The following ZNF609 variants were observed in gnomAD, a reference collection of about 807,000 sequenced individuals.
ZNF609 encodes zinc finger protein 609.
In ZNF609, 11 loss-of-function variants were observed where a neutral mutation model predicts 109.5. The ratio of observed to expected loss-of-function variants is 0.10; its 90% CI spans 0.06 to 0.17. The LOEUF (loss-of-function observed/expected upper bound fraction) is 0.17, where lower values mean the gene tolerates loss of function less well. Ranked by LOEUF, ZNF609 falls within the 10% of genes least tolerant of loss-of-function variation. ZNF609 has a pLI of 1.00. For missense variants in ZNF609, 1,559 were observed against 1,772.4 expected, an observed-to-expected ratio of 0.88 and a Z score of 2.16; for synonymous variants, 646 against 662.0, an observed-to-expected ratio of 0.98 and a Z score of 0.37.
At chr15:64,555,032 G>A (rs1409970696) in intron 2 of ZNF609, among the ~76,000 whole-genome samples, 1 of 150,876 alleles carries the variant, frequency 6.6e-6, no homozygotes, top group Non-Finnish European at 1.5e-5. Flanking sequence ...GGAGGCGGAG[G>A]TTACGGTGAG....
chr15:64,578,429 T>G (rs1214217029), intron 2 of ZNF609, among the ~76,000 whole-genome samples: 1 of 152,090 alleles, frequency 6.6e-6, no homozygotes. Context: ...GCACAGTTGC[T>G]CACGACTGTA....
intron 2 of ZNF609, among the ~76,000 whole-genome samples, chr15:64,575,154 C>T (rs977679785): frequency 2.0e-5 from 3 of 152,208 alleles, no homozygotes; most frequent in South Asian, 4.1e-4. Context: ...AACCAAATCC[C>T]GGGGTTTCTG....
chr15:64,633,106 T>G (rs1043450686), intron 3 of ZNF609, among the ~76,000 whole-genome samples: 9 of 150,768 alleles, frequency 6.0e-5, no homozygotes, highest in East Asian at 5.8e-4. Flanking sequence ...ATTGTTTTGT[T>G]TTTTTTTTTC....
intron 2 of ZNF609, among the ~76,000 whole-genome samples, chr15:64,519,782 AG>A (rs1403758050): frequency 6.6e-6 from 1 of 152,176 alleles, no homozygotes; most frequent in Non-Finnish European, 1.5e-5. Flanking sequence ...TTAAAGTGAA[AG>A]CATAGATATT....
intron 1 of ZNF609, among the ~76,000 whole-genome samples, chr15:64,463,045 G>A (rs1004742755): frequency 2.6e-5 from 4 of 152,056 alleles, no homozygotes; most frequent in African/African-American, 9.7e-5. Context: ...CTTGAGCCTA[G>A]GAGTTTGAGA....
intron 2 of ZNF609, among the ~76,000 whole-genome samples, chr15:64,609,112 C>CTTTCTTTCTTTCTTTCTTTCTTTCTTTCT (rs1567028276): frequency 5.8e-5 from 2 of 34,628 alleles, no homozygotes; most frequent in African/African-American, 1.2e-4. Context: ...TTCTTTCTTT[C>CTTTCTTTCTTTCTTTCTTTCTTTCTTTCT]TTTCTTTCTT....
chr15:64,513,186 TAGG>T (rs1236599757), intron 2 of ZNF609, among the ~76,000 whole-genome samples: 1 of 152,078 alleles, frequency 6.6e-6, no homozygotes, highest in Non-Finnish European at 1.5e-5. Flanking sequence ...CCACTGTGAG[TAGG>T]AGGAGAAAAA....
intron 2 of ZNF609, among the ~76,000 whole-genome samples, chr15:64,538,440 T>A (rs1222135678): frequency 6.6e-6 from 1 of 152,262 alleles, no homozygotes; most frequent in East Asian, 1.9e-4. Context: ...TAAATTTGGC[T>A]CATCATAGAA....
intron 1 of ZNF609, among the ~76,000 whole-genome samples, chr15:64,485,921 A>G (rs183333628): frequency 3.9e-5 from 6 of 152,318 alleles, no homozygotes; most frequent in African/African-American, 1.4e-4. Context: ...TATCTTGTTC[A>G]GACCTCCCCA....
intron 1 of ZNF609, among the ~76,000 whole-genome samples, chr15:64,490,150 A>G (rs1381821516): frequency 6.6e-6 from 1 of 151,954 alleles, no homozygotes; most frequent in Admixed American, 6.6e-5. Flanking sequence ...TTTTGTAGAG[A>G]CAGGGTCCCA....
intron 2 of ZNF609, among the ~76,000 whole-genome samples, chr15:64,580,527 C>T (rs1895080425): frequency 6.7e-6 from 1 of 150,084 alleles, no homozygotes; most frequent in African/African-American, 2.4e-5. Flanking sequence ...GCAATGAACT[C>T]TCTCAGTTCT....
At chr15:64,523,643 A>T (rs1213913279) in intron 2 of ZNF609, among the ~76,000 whole-genome samples, 1 of 152,026 alleles carries the variant, frequency 6.6e-6, no homozygotes, top group Non-Finnish European at 1.5e-5. Flanking sequence ...CACACTTGTA[A>T]TCCCAGCTAC....
chr15:64,572,875 T>C (rs1470367451), intron 2 of ZNF609, among the ~76,000 whole-genome samples: 1 of 152,028 alleles, frequency 6.6e-6, no homozygotes, highest in Non-Finnish European at 1.5e-5. Flanking sequence ...CACTCCAGCC[T>C]GGACAACAAG....
intron 3 of ZNF609, among the ~76,000 whole-genome samples, chr15:64,644,777 A>T (rs1192802484): frequency 4.6e-5 from 7 of 152,162 alleles, no homozygotes; most frequent in Non-Finnish European, 1.0e-4. Context: ...TCCAATGGGT[A>T]GCTTTGTTTT....
chr15:64,539,965 T>A (rs567912268), intron 2 of ZNF609, among the ~76,000 whole-genome samples: 25 of 152,156 alleles, frequency 1.6e-4, no homozygotes, highest in East Asian at 1.5e-3. Context: ...AGAGATAGGG[T>A]CCCACCATCT....
At chr15:64,603,516 G>T (rs1895540699) in intron 2 of ZNF609, among the ~76,000 whole-genome samples, 1 of 151,332 alleles carries the variant, frequency 6.6e-6, no homozygotes, top group African/African-American at 2.4e-5. Context: ...TGATCTGCCT[G>T]CTTCGGCCTC....
intron 2 of ZNF609, among the ~76,000 whole-genome samples, chr15:64,508,316 AG>A (rs749917505): frequency 3.2e-4 from 49 of 152,210 alleles, no homozygotes; most frequent in Non-Finnish European, 6.0e-4. Flanking sequence ...GTAAAATGTG[AG>A]CAGTAAGAAG....
At chr15:64,649,148 A>G (rs7177609) in intron 3 of ZNF609, among the ~76,000 whole-genome samples, 3,309 of 149,244 alleles carry the variant, frequency 0.022, 125 homozygotes, top group African/African-American at 0.077. Flanking sequence ...GAATTTTGAG[A>G]AAAAAAAAAT....
rs139346408 is a variant in ZNF609, at chr15:64,539,693, A to G, written c.747+39527A>G. Among the ~76,000 whole-genome samples, 1,417 of 151,978 alleles carry G rather than the reference A, an allele frequency of 9.3e-3. 24 individuals are homozygous for G. Among genetic ancestry groups the G allele is most frequent in the African/African-American group, 0.033 (1,352 of 41,458 alleles). ...TAATTTTTGTATTTTTAGTAGAGAC[A>G]GTGTTTCACTATGTTGTCCAGGCTG... On this transcript the variant is annotated intron_variant, in intron 2 of 9. Coordinates refer to ENST00000326648, the MANE Select transcript of ZNF609 (RefSeq NM_015042.2).
Sources: gnomAD v4.1 joint callset for allele counts (sites outside exome capture counted in the v4.1 genomes callset) on GRCh38, gnomAD v4.1.1 for gene constraint, MANE v1.5 for transcripts, NCBI Gene and HGNC (gene_info 2026-07-23, HGNC 2026-07-21) for gene names.